The following PRELID2 variants were observed in gnomAD, a reference collection of about 807,000 sequenced individuals.
PRELID2 encodes the protein PRELI domain containing 2.
A neutral mutation model predicts 28.4 loss-of-function variants in PRELID2; 25 were observed. That is an observed-to-expected ratio of 0.88 (90% confidence interval 0.64 to 1.23). PRELID2 has a LOEUF of 1.23. Among genes scored for constraint, PRELID2 ranks in the 50% most tolerant of loss-of-function variants. The pLI, the probability that PRELID2 is intolerant of heterozygous loss-of-function variation, is 0.00. For missense variants in PRELID2, 201 were observed against 214.4 expected, an observed-to-expected ratio of 0.94 and a Z score of 0.39; for synonymous variants, 76 against 71.6, an observed-to-expected ratio of 1.06 and a Z score of -0.31.
At chr5:145,820,800 T>C (rs1005550293) in intron 2 of PRELID2, among the ~76,000 whole-genome samples, 1 of 152,184 alleles carries the variant, frequency 6.6e-6, no homozygotes, top group African/African-American at 2.4e-5. Context: ...TGGCTATTCC[T>C]GTTCTTTTTA....
the PRELID2 span, among the ~76,000 whole-genome samples, chr5:145,417,371 G>A: frequency 2.0e-5 from 3 of 152,078 alleles, no homozygotes; most frequent in African/African-American, 7.2e-5. Flanking sequence ...CAACTGAAAA[G>A]AAGGAACTCC....
chr5:145,453,338 C>G, the PRELID2 span, among the ~76,000 whole-genome samples: 1 of 152,196 alleles, frequency 6.6e-6, no homozygotes, highest in Non-Finnish European at 1.5e-5. Context: ...ATTCAAAACT[C>G]ACATTCATCA....
chr5:145,312,114 G>C, the PRELID2 span, among the ~76,000 whole-genome samples: 1 of 151,966 alleles, frequency 6.6e-6, no homozygotes, highest in Non-Finnish European at 1.5e-5. Context: ...GGGAGGCCAA[G>C]GTTGATGGGT....
At chr5:145,697,878 C>T (rs985751224) in intron 1 of PRELID2, among the ~76,000 whole-genome samples, 8 of 152,096 alleles carry the variant, frequency 5.3e-5, no homozygotes, top group African/African-American at 1.4e-4. Flanking sequence ...GAAGCTGTTT[C>T]GATTTCAGCT....
chr5:145,301,756 A>T, the PRELID2 span, among the ~76,000 whole-genome samples: 1 of 152,116 alleles, frequency 6.6e-6, no homozygotes. Context: ...ATTAAATTTC[A>T]TTGGCATCTT....
At chr5:145,690,006 T>C (rs1208438223) in intron 1 of PRELID2, among the ~76,000 whole-genome samples, 2 of 150,288 alleles carry the variant, frequency 1.3e-5, no homozygotes, top group Non-Finnish European at 3.0e-5. Context: ...TTTTTTTTTT[T>C]TGAGACAAAG....
chr5:145,400,473 A>C, the PRELID2 span, among the ~76,000 whole-genome samples: 1 of 152,146 alleles, frequency 6.6e-6, no homozygotes, highest in East Asian at 1.9e-4. Context: ...TGTGCATTTA[A>C]TGTTCCTACA....
intron 1 of PRELID2, among the ~76,000 whole-genome samples, chr5:145,659,029 A>G (rs139296825): frequency 6.6e-6 from 1 of 152,316 alleles, no homozygotes; most frequent in East Asian, 1.9e-4. Context: ...AGTTCAGCAC[A>G]CTGGGAAAAT....
chr5:145,310,415 G>T, the PRELID2 span, among the ~76,000 whole-genome samples: 1 of 152,134 alleles, frequency 6.6e-6, no homozygotes, highest in Admixed American at 6.5e-5. Flanking sequence ...CACCTTTGGA[G>T]ACCTTTCTAA....
At position 145,814,188 on chromosome 5, in the gene PRELID2, C is replaced by A. The variant is rs2149850313; in HGVS notation, c.368+3706G>T. On this transcript the variant is annotated intron_variant, in intron 4 of 6. Transcript: ENST00000683046. The stretch of plus-strand genomic sequence containing the variant: ...CTAAAGGATGTCCTCCCTGGATTTT[C>A]AGAGCTAATTGTCATTTTATATATC... Among the ~76,000 whole-genome samples, 3 of 152,254 alleles carry A rather than the reference C, an allele frequency of 2.0e-5. No individual in the cohort carries two copies. The South Asian group carries it at 6.2e-4, about 32-fold the overall frequency.
chr5:145,445,124 CA>C, the PRELID2 span, among the ~76,000 whole-genome samples: 1 of 151,988 alleles, frequency 6.6e-6, no homozygotes, highest in South Asian at 2.1e-4. Context: ...TACCGGCCTT[CA>C]AAATGTACTA....
In PRELID2 at chr5:145,716,138, G is replaced by C. The variant is rs934575656; in HGVS notation, n.70+48793C>G. Among the ~76,000 whole-genome samples, 6 of 152,046 alleles carry C rather than the reference G, an allele frequency of 3.9e-5. No homozygotes were observed. In the East Asian group the frequency reaches 1.2e-3, roughly 29 times the overall value. ...AGACAACGATTCTTCTTCCAATGTGGCCCAGAGAAGCCAAAAGATTGGACA... is the reference window on the plus strand; with the variant it reads ...AGACAACGATTCTTCTTCCAATGTGCCCCAGAGAAGCCAAAAGATTGGACA... On this transcript the variant is annotated intron_variant and non_coding_transcript_variant, in intron 1 of 2. Transcript: ENST00000510259.
intron 1 of PRELID2, among the ~76,000 whole-genome samples, chr5:145,700,980 A>T (rs1755392253): frequency 6.6e-6 from 1 of 152,150 alleles, no homozygotes; most frequent in South Asian, 2.1e-4. Flanking sequence ...AGCCACTGGG[A>T]GCCAGGCTCT....
chr5:145,523,427 AG>A (rs1292246141), intron 1 of PRELID2, among the ~76,000 whole-genome samples: 1 of 152,212 alleles, frequency 6.6e-6, no homozygotes, highest in Non-Finnish European at 1.5e-5. Flanking sequence ...GGAAGGGGAG[AG>A]TATTAGCTCA....
intron 1 of PRELID2, among the ~76,000 whole-genome samples, chr5:145,682,924 G>T (rs1754966292): frequency 6.6e-6 from 1 of 152,154 alleles, no homozygotes; most frequent in Admixed American, 6.6e-5. Flanking sequence ...TATAAGCACA[G>T]TGTTACATCA....
chr5:145,609,762 G>A (rs1753584756), intron 1 of PRELID2, among the ~76,000 whole-genome samples: 1 of 152,234 alleles, frequency 6.6e-6, no homozygotes, highest in African/African-American at 2.4e-5. Context: ...AGGAACTCTA[G>A]CGGGCATTTC....
chr5:145,456,847 T>C, the PRELID2 span, among the ~76,000 whole-genome samples: 1 of 152,214 alleles, frequency 6.6e-6, no homozygotes, highest in Non-Finnish European at 1.5e-5. Flanking sequence ...CTCTTAATAC[T>C]ATGCATCAAG....
At chr5:145,417,567 T>C in the PRELID2 span, among the ~76,000 whole-genome samples, 2 of 152,132 alleles carry the variant, frequency 1.3e-5, no homozygotes, top group African/African-American at 4.8e-5. Context: ...GTTGGCTTCA[T>C]CCCCAGGATG....
the PRELID2 span, among the ~76,000 whole-genome samples, chr5:145,407,427 C>T: frequency 6.6e-6 from 1 of 152,226 alleles, no homozygotes; most frequent in Non-Finnish European, 1.5e-5. Flanking sequence ...GAGAACCACC[C>T]TCTGTCTCCC....
Sources: gnomAD v4.1 joint callset for allele counts (sites outside exome capture counted in the v4.1 genomes callset) on GRCh38, gnomAD v4.1.1 for gene constraint, MANE v1.5 for transcripts, NCBI Gene and HGNC (gene_info 2026-07-23, HGNC 2026-07-21) for gene names.